Variants in TTC21B observed in about 807,000 individuals in gnomAD.
TTC21B encodes tetratricopeptide repeat domain 21B.
A neutral mutation model predicts 175.1 loss-of-function variants in TTC21B; 127 were observed. The observed-to-expected ratio is 0.73, with a 90% CI of 0.63 to 0.84. The LOEUF (loss-of-function observed/expected upper bound fraction) is 0.84, where lower values mean the gene tolerates loss of function less well. Ranked by LOEUF, TTC21B falls within the 40% of genes least tolerant of loss-of-function variation. The probability of loss-of-function intolerance (pLI) is 0.00; values close to 1 mark genes in which losing one functional copy is unlikely to be tolerated. For synonymous variants in TTC21B, 524 were observed against 524.5 expected, an observed-to-expected ratio of 1.00 and a Z score of 0.01; for missense variants, 1,561 against 1,558.3, an observed-to-expected ratio of 1.00 and a Z score of -0.03.
chr2:165,944,712 G>C (rs1280402775), intron 4 of TTC21B, among the ~76,000 whole-genome samples: 1 of 152,092 alleles, frequency 6.6e-6, no homozygotes, highest in Non-Finnish European at 1.5e-5. Context: ...TTTGTCTCAA[G>C]TTACCTCTCC....
chr2:165,933,133 TTG>T, intron 6 of TTC21B, 76 bp from the exon 7 acceptor site: 1 of 1,302,672 alleles, frequency 7.7e-7, no homozygotes, highest in Non-Finnish European at 1.1e-6. Flanking sequence ...AAAAGTTGGT[TTG>T]CTTGCCTCAC....
chr2:165,917,469 G>C lies in TTC21B; in HGVS notation c.1687C>G (p.Pro563Ala), dbSNP rs757173737. The change falls in exon 14 of 29, where the codon CCT becomes GCT. Residue 563 changes from proline to alanine, a missense_variant. Pro to Ala is a conservative substitution (Grantham distance 27). Transcript: ENST00000243344. ...LSYDFKVRDY[P>A]LYHLIKAQSQ... ...TGAGCTTTTATCAAATGGTATAAAG[G>C]ATAGTCTCTCACCTGAAGAATAATA... 13 of 1,610,604 alleles carry C rather than the reference G, an allele frequency of 8.1e-6. No individual in the cohort carries two copies. In the East Asian group the frequency reaches 2.7e-4, roughly 33 times the overall value.
chr2:165,945,493 G>A (rs754089061), intron 4 of TTC21B, 31 bp downstream of exon 4: 1 of 1,589,720 alleles, frequency 6.3e-7, no homozygotes, highest in Non-Finnish European at 8.6e-7. Context: ...ATTTTTTAAT[G>A]TTATTATTTT....
At chr2:165,916,236 T>C (rs891820) in intron 14 of TTC21B, among the ~76,000 whole-genome samples, 152,332 of 152,338 alleles carry the variant, frequency 1, 76,163 homozygotes, top group Middle Eastern at 1. Flanking sequence ...GGATGCCAGC[T>C]GAGGAGACAG....
chr2:165,901,768 A>G lies in TTC21B; in HGVS notation c.2711T>C (p.Ile904Thr). 6.2e-7 allele frequency: 1 copy of G among 1,614,120 alleles called. No individual in the cohort carries two copies. Among genetic ancestry groups the G allele is most frequent in the Non-Finnish European group, 8.5e-7 (1 of 1,180,000 alleles). Residue 904 changes from isoleucine (I) to threonine (T), a missense_variant, in exon 20 of 29, where the codon ATT becomes ACT. Transcript: ENST00000243344. ...AACCAGAGCCTCTCTATAAAACTTA[A>G]TTGCTTTTTCATAGTCTCGCTGAGC... ...SVAQRDYEKA[I>T]KFYREALVHC...
At chr2:165,937,620 AAC>A (rs1285833115) in intron 6 of TTC21B, among the ~76,000 whole-genome samples, 2 of 152,094 alleles carry the variant, frequency 1.3e-5, no homozygotes, top group East Asian at 3.8e-4. Flanking sequence ...TCTATTAAAA[AAC>A]AGTTTGGTGT....
chr2:165,938,474 A>G (rs1488741162), intron 6 of TTC21B, among the ~76,000 whole-genome samples: 3 of 152,160 alleles, frequency 2.0e-5, no homozygotes, highest in Non-Finnish European at 4.4e-5. Context: ...GATGAAAGAC[A>G]ACAGTACCAC....
chr2:165,905,009 T>A (rs1281606217), intron 19 of TTC21B, among the ~76,000 whole-genome samples: 1 of 152,104 alleles, frequency 6.6e-6, no homozygotes, highest in Non-Finnish European at 1.5e-5. Context: ...CAAAATCGCT[T>A]AAATGAGAGG....
At chr2:165,920,036 G>A (rs763008177) in intron 12 of TTC21B, among the ~76,000 whole-genome samples, 26 of 152,184 alleles carry the variant, frequency 1.7e-4, no homozygotes, top group Non-Finnish European at 2.8e-4. Flanking sequence ...CAAGATTAAA[G>A]TGACAGGAAT....
intron 25 of TTC21B, among the ~76,000 whole-genome samples, chr2:165,884,427 C>G (rs1277741893): frequency 6.6e-6 from 1 of 152,190 alleles, no homozygotes; most frequent in Non-Finnish European, 1.5e-5. Flanking sequence ...AGTTCTTTCA[C>G]CTGTCAAAGA....
chr2:165,917,518 A>T, intron 13 of TTC21B, 37 bp from the exon 14 acceptor site: 1 of 1,437,004 alleles, frequency 7.0e-7, no homozygotes, highest in Non-Finnish European at 9.8e-7. Flanking sequence ...TGGAGTGCTT[A>T]CAACATCAAC....
rs749946559 is a variant in TTC21B at position 165,915,442 on chromosome 2, G to T, written c.1900-3C>A. The T allele has an allele frequency of 2.5e-6, 4 of 1,606,134 alleles. No individual in the cohort carries two copies. In the Admixed American group the frequency reaches 6.7e-5, roughly 27 times the overall value. ...TGTAAAACTTTGGTTGCCTCATGCT[G>T]TAAAGATGAAATTAAAATAATCATT... On this transcript the variant is annotated splice_region_variant and splice_polypyrimidine_tract_variant and intron_variant, in intron 14 of 28. Coordinates refer to ENST00000243344, the MANE Select transcript of TTC21B (RefSeq NM_024753.5).
intron 24 of TTC21B, 144 bp downstream of exon 24, chr2:165,890,335 C>T (rs1395572816): frequency 4.2e-6 from 3 of 712,830 alleles, no homozygotes; most frequent in African/African-American, 3.6e-5. Flanking sequence ...TTCTCTGAAA[C>T]AGGCAATGAA....
At chr2:165,931,018 G>A (rs1686887646) in intron 8 of TTC21B, among the ~76,000 whole-genome samples, 1 of 151,868 alleles carries the variant, frequency 6.6e-6, no homozygotes, top group Non-Finnish European at 1.5e-5. Flanking sequence ...AAAACTAATT[G>A]AAATAATGTG....
Position 165,911,324 on chromosome 2 carries a change from T to C in TTC21B, c.2461+3A>G. 6.2e-7 allele frequency: 1 copy of C among 1,613,858 alleles called. No homozygotes were observed. The highest frequency in any genetic ancestry group is 1.3e-5 in the African/African-American group (1 of 75,044). On this transcript the variant is annotated splice_donor_region_variant and intron_variant, in intron 18 of 28. Coordinates refer to ENST00000243344, the MANE Select transcript of TTC21B (RefSeq NM_024753.5). ...TTTTTTCAAACCAGAAAGACTTTCA[T>C]ACCAGGTTCATGAGCCAGAGCATGC...
rs369153870 is a variant in TTC21B at position 165,883,781 on chromosome 2, T to C, written c.3684+13A>G. On this transcript the variant is annotated intron_variant, in intron 26 of 28. Transcript: ENST00000243344. ...AAAGGTCAATAATTATTTTTTACTC[T>C]TCAATCACCTACTCTATTATGACGC... 1.2e-6 allele frequency: 2 copies of C among 1,602,624 alleles called. No individual in the cohort carries two copies. The highest frequency in any genetic ancestry group is 1.7e-6 in the Non-Finnish European group (2 of 1,169,614).
At position 165,941,202 on chromosome 2, in the gene TTC21B, A is replaced by G. The variant is rs1204567297; in HGVS notation, c.553-18T>C. ...CATTGTGCCTAATGGAAGGGAAAAAAAGTGATATCCAAACTGTGATCTTTC... is the reference window on the plus strand; with the variant it reads ...CATTGTGCCTAATGGAAGGGAAAAAGAGTGATATCCAAACTGTGATCTTTC... On this transcript the variant is annotated intron_variant, in intron 5 of 28. Coordinates refer to ENST00000243344, the MANE Select transcript of TTC21B (RefSeq NM_024753.5). The G allele has an allele frequency of 6.2e-7, 1 of 1,613,528 alleles. No individual in the cohort carries two copies. The highest frequency in any genetic ancestry group is 8.5e-7 in the Non-Finnish European group (1 of 1,179,632).
intron 28 of TTC21B, 46 bp downstream of exon 28, chr2:165,876,119 A>G: frequency 8.9e-7 from 1 of 1,123,442 alleles, no homozygotes; most frequent in Non-Finnish European, 1.4e-6. Context: ...AAAGTAGGAA[A>G]TTGTGCATCT....
At chr2:165,934,727 C>T (rs888756327) in intron 6 of TTC21B, 1 of 92,638 alleles carries the variant, frequency 1.1e-5, no homozygotes, top group Non-Finnish European at 2.0e-5. Context: ...AGATACCTCT[C>T]TTTCAGATTG....
Sources: allele counts gnomAD v4.1 joint callset (sites outside exome capture counted in the v4.1 genomes callset), GRCh38; gene constraint gnomAD v4.1.1; transcripts MANE v1.5; gene names NCBI Gene and HGNC (gene_info 2026-07-23, HGNC 2026-07-21).